Variants in MAF observed in about 807,000 individuals in gnomAD.
The protein encoded by MAF is MAF bZIP transcription factor.
MAF carries 10 observed loss-of-function variants against 22.0 expected under a neutral mutation model. That is an observed-to-expected ratio of 0.45 (90% confidence interval 0.28 to 0.77). The LOEUF (loss-of-function observed/expected upper bound fraction) is 0.77, where lower values mean the gene tolerates loss of function less well. MAF is among the 30% of genes least tolerant of loss of function. The pLI, the probability that MAF is intolerant of heterozygous loss-of-function variation, is 0.12. For synonymous variants in MAF, 337 were observed against 255.8 expected (o/e 1.32, Z -3.03); for missense variants, 544 against 548.4 (o/e 0.99, Z 0.08).
the MAF span, among the ~76,000 whole-genome samples, chr16:79,328,743 C>A: frequency 4.6e-5 from 7 of 152,296 alleles, no homozygotes; most frequent in African/African-American, 1.7e-4. Context: ...AAGTAACATT[C>A]TCCAACCAGC....
the MAF span, among the ~76,000 whole-genome samples, chr16:79,528,771 C>A: frequency 1.3e-5 from 2 of 152,052 alleles, no homozygotes; most frequent in Admixed American, 6.6e-5. Context: ...TAATCCAAAA[C>A]CCTGAAAATG....
the MAF span, among the ~76,000 whole-genome samples, chr16:79,310,265 G>C: frequency 6.6e-6 from 1 of 152,128 alleles, no homozygotes; most frequent in Non-Finnish European, 1.5e-5. Flanking sequence ...TTTGCATGTA[G>C]GGAGGGAAAA....
the MAF span, among the ~76,000 whole-genome samples, chr16:79,298,213 C>T: frequency 9.2e-5 from 14 of 152,290 alleles, no homozygotes; most frequent in African/African-American, 3.4e-4. Flanking sequence ...GACTTGCGTC[C>T]CCAGGAAAGG....
At chr16:79,367,829 CAT>C in the MAF span, among the ~76,000 whole-genome samples, 1 of 152,226 alleles carries the variant, frequency 6.6e-6, no homozygotes, top group Non-Finnish European at 1.5e-5. Context: ...CTGACACTTC[CAT>C]ATTTCTTTTA....
the MAF span, among the ~76,000 whole-genome samples, chr16:79,541,491 A>G: frequency 6.6e-6 from 1 of 151,630 alleles, no homozygotes; most frequent in African/African-American, 2.4e-5. Context: ...AAAAAAAAAA[A>G]TAATAAATGC....
the MAF span, among the ~76,000 whole-genome samples, chr16:79,512,477 T>A: frequency 6.6e-6 from 1 of 152,084 alleles, no homozygotes; most frequent in Non-Finnish European, 1.5e-5. Context: ...CAGCTTGGGT[T>A]TCAGAATCCA....
chr16:79,491,932 G>C, the MAF span, among the ~76,000 whole-genome samples: 109,914 of 151,950 alleles, frequency 0.72, 40,662 homozygotes, highest in East Asian at 0.86. Flanking sequence ...ATAAACAACA[G>C]GTCTCCTCTC....
chr16:79,309,754 C>T, the MAF span, among the ~76,000 whole-genome samples: 1 of 152,188 alleles, frequency 6.6e-6, no homozygotes, highest in Non-Finnish European at 1.5e-5. Flanking sequence ...ATCTCCCTCC[C>T]AGCCAGGCAT....
At chr16:79,419,018 C>G in the MAF span, among the ~76,000 whole-genome samples, 8 of 152,218 alleles carry the variant, frequency 5.3e-5, no homozygotes, top group Non-Finnish European at 1.0e-4. Context: ...AGTGCTATAT[C>G]ACAGACATTT....
chr16:79,396,653 A>G, the MAF span, among the ~76,000 whole-genome samples: 1 of 152,154 alleles, frequency 6.6e-6, no homozygotes, highest in East Asian at 1.9e-4. Flanking sequence ...CTTCCTTCAT[A>G]AGGGGCAGAA....
At chr16:79,243,621 G>A in the MAF span, among the ~76,000 whole-genome samples, 898 of 152,032 alleles carry the variant, frequency 5.9e-3, 15 homozygotes, top group African/African-American at 0.02. Flanking sequence ...ATTCAAAGCC[G>A]AATTCTACCA....
At chr16:79,344,447 G>C in the MAF span, among the ~76,000 whole-genome samples, 1 of 152,186 alleles carries the variant, frequency 6.6e-6, no homozygotes, top group Admixed American at 6.5e-5. Flanking sequence ...ACCTGGAAGA[G>C]GGCGCTCTTA....
chr16:79,509,806 T>C, the MAF span, among the ~76,000 whole-genome samples: 5 of 152,222 alleles, frequency 3.3e-5, no homozygotes, highest in African/African-American at 1.2e-4. Context: ...TTTTGTTTCT[T>C]AGGCTCTGAT....
the MAF span, among the ~76,000 whole-genome samples, chr16:79,371,393 G>C: frequency 6.6e-6 from 1 of 151,928 alleles, no homozygotes; most frequent in Non-Finnish European, 1.5e-5. Flanking sequence ...GGACACAGAC[G>C]CCTCCTCTCA....
chr16:79,488,198 T>A, the MAF span, among the ~76,000 whole-genome samples: 1 of 152,190 alleles, frequency 6.6e-6, no homozygotes, highest in Non-Finnish European at 1.5e-5. Context: ...TTCTGTCTTG[T>A]GCCAGCCAGC....
At chr16:79,561,023 C>T in the MAF span, among the ~76,000 whole-genome samples, 2 of 152,216 alleles carry the variant, frequency 1.3e-5, no homozygotes, top group Non-Finnish European at 2.9e-5. Context: ...CTGCCGTCTA[C>T]AGCTGCAAAA....
At chr16:79,214,191 A>C in the MAF span, among the ~76,000 whole-genome samples, 5 of 152,086 alleles carry the variant, frequency 3.3e-5, no homozygotes, top group African/African-American at 1.2e-4. Context: ...ACTTAATATT[A>C]TTGTACACAT....
the MAF span, among the ~76,000 whole-genome samples, chr16:79,577,408 T>C: frequency 6.6e-6 from 1 of 152,228 alleles, no homozygotes; most frequent in Non-Finnish European, 1.5e-5. Context: ...GAAGGGTCAA[T>C]TGATACCTTA....
chr16:79,426,872 A>T, the MAF span, among the ~76,000 whole-genome samples: 3 of 152,214 alleles, frequency 2.0e-5, no homozygotes, highest in African/African-American at 7.2e-5. Context: ...AAAATCCCAC[A>T]ATGAAGCTGA....
Sources: allele counts gnomAD v4.1 joint callset (sites outside exome capture counted in the v4.1 genomes callset), GRCh38; gene constraint gnomAD v4.1.1; transcripts MANE v1.5; gene names NCBI Gene and HGNC (gene_info 2026-07-23, HGNC 2026-07-21).